Variants in NSUN7 observed in about 807,000 individuals in gnomAD.
NSUN7 encodes the protein NOP2/Sun RNA methyltransferase family member 7.
In NSUN7, 39 loss-of-function variants were observed where a neutral mutation model predicts 58.5. That is an observed-to-expected ratio of 0.67 (90% CI 0.52 to 0.87). The LOEUF is 0.87. NSUN7 is among the 40% of genes least tolerant of loss of function. The pLI, the probability that NSUN7 is intolerant of heterozygous loss-of-function variation, is 0.00. For synonymous variants in NSUN7, 278 were observed against 303.7 expected, an observed-to-expected ratio of 0.92 and a Z score of 0.88; for missense variants, 765 against 844.1, an observed-to-expected ratio of 0.91 and a Z score of 1.16.
rs1487916009 is a variant in NSUN7 at position 40,808,310 on chromosome 4, G to A, written c.1528G>A (p.Asp510Asn). The A allele has an allele frequency of 1.2e-6, 2 of 1,605,972 alleles. No individual in the cohort carries two copies. Among genetic ancestry groups the A allele is most frequent in the Non-Finnish European group, 1.7e-6 (2 of 1,175,288 alleles). ...GTAAATGCTTCTTTAATTGCAGCGGGACCCTTCTGAGACAGTGTCTGTGAA... is the reference window on the plus strand; with the variant it reads ...GTAAATGCTTCTTTAATTGCAGCGGAACCCTTCTGAGACAGTGTCTGTGAA... ...CFLSILTRER[D>N]PSETVSVNDV... The change falls in exon 12 of 12, where the codon GAC (aspartate) becomes AAC (asparagine). Residue 510 changes from aspartate to asparagine, a missense_variant. By Grantham distance (23) the Asp-to-Asn change is conservative. Transcript: ENST00000381782.
intron 7 of NSUN7, among the ~76,000 whole-genome samples, chr4:40,785,217 G>A (rs1293429945): frequency 6.7e-6 from 1 of 149,320 alleles, no homozygotes; most frequent in Non-Finnish European, 1.5e-5. Flanking sequence ...TTTTTTTTTG[G>A]TAGAGACAAG....
chr4:40,759,463 C>G (rs1741334326), intron 2 of NSUN7, among the ~76,000 whole-genome samples: 2 of 152,220 alleles, frequency 1.3e-5, no homozygotes, highest in Admixed American at 1.3e-4. Context: ...ATCATAACCT[C>G]TGCCTGGAAT....
chr4:40,779,659 C>T (rs1742432082), intron 7 of NSUN7, among the ~76,000 whole-genome samples: 2 of 151,998 alleles, frequency 1.3e-5, no homozygotes, highest in South Asian at 4.1e-4. Context: ...AAGAAAAATA[C>T]AAAAGTTAAG....
At chr4:40,765,187 T>A (rs1741658282) in intron 4 of NSUN7, among the ~76,000 whole-genome samples, 1 of 97,786 alleles carries the variant, frequency 1.0e-5, no homozygotes, top group Admixed American at 1.3e-4. Context: ...ATGCCTAGGT[T>A]TTCTTCTAGG....
intron 2 of NSUN7, among the ~76,000 whole-genome samples, chr4:40,753,011 G>T (rs909196707): frequency 6.6e-6 from 1 of 151,752 alleles, no homozygotes; most frequent in East Asian, 1.9e-4. Flanking sequence ...TTTTTTTCTC[G>T]CAACAGTGAA....
intron 7 of NSUN7, among the ~76,000 whole-genome samples, chr4:40,785,643 G>C (rs1239554061): frequency 6.6e-6 from 1 of 150,864 alleles, no homozygotes; most frequent in Non-Finnish European, 1.5e-5. Context: ...TTACAGGCGT[G>C]AGCCACCATG....
At chr4:40,780,078 C>T (rs370206359) in intron 7 of NSUN7, among the ~76,000 whole-genome samples, 2 of 152,044 alleles carry the variant, frequency 1.3e-5, no homozygotes, top group South Asian at 2.1e-4. Flanking sequence ...GCCAGGAGTT[C>T]GAGACCAGCC....
intron 10 of NSUN7, among the ~76,000 whole-genome samples, chr4:40,804,046 T>G (rs917454935): frequency 6.6e-6 from 1 of 152,204 alleles, no homozygotes; most frequent in Non-Finnish European, 1.5e-5. Context: ...CCACTAATCA[T>G]AGATGCATGG....
chr4:40,786,211 A>G, intron 7 of NSUN7: 2 of 1,614,004 alleles, frequency 1.2e-6, no homozygotes, highest in Non-Finnish European at 8.5e-7. Flanking sequence ...TGCTGGAAAG[A>G]CAACTGTCTT....
Position 40,801,723 on chromosome 4 carries a change from C to T in NSUN7, c.1400+2819C>T, listed in dbSNP as rs181742788. On this transcript the variant is annotated intron_variant, in intron 10 of 11. Coordinates refer to ENST00000381782, the MANE Select transcript of NSUN7 (RefSeq NM_024677.6). ...GACCAGCCTGGGCAATGTGGTGAAA[C>T]CTCATCTCTACAAAAAAATACAAAA... Among the ~76,000 whole-genome samples, 1,057 of 151,648 alleles carry T rather than the reference C, an allele frequency of 7.0e-3. 15 individuals are homozygous for T. The highest frequency in any genetic ancestry group is 0.022 in the African/African-American group (893 of 41,366).
rs150309909 is a variant in NSUN7, at chr4:40,805,001, A to G, written c.1401-2060A>G. On this transcript the variant is annotated intron_variant, in intron 10 of 11. Coordinates refer to ENST00000381782, the MANE Select transcript of NSUN7 (RefSeq NM_024677.6). ...GGTGTACTTTTGGGACCCTCCTCTC[A>G]ACATAGCCTTCTGGTGGGTTTTCCA... Among the ~76,000 whole-genome samples the G allele has an allele frequency of 2.2e-3, 336 of 152,122 alleles. 1 individual carries two copies. The highest frequency in any genetic ancestry group is 0.016 in the East Asian group (85 of 5,154).
intron 10 of NSUN7, 113 bp downstream of exon 10, chr4:40,799,017 A>T: frequency 1.7e-5 from 5 of 301,446 alleles, no homozygotes; most frequent in Non-Finnish European, 2.4e-5. Flanking sequence ...ATACTTTAGT[A>T]TGATAAAATT....
intron 2 of NSUN7, among the ~76,000 whole-genome samples, chr4:40,753,280 CTT>C (rs771038149): frequency 1.7e-4 from 23 of 138,904 alleles, no homozygotes; most frequent in African/African-American, 1.6e-4. Context: ...TTTTATCTTT[CTT>C]TTTTTTTTTT....
At chr4:40,795,334 G>C (rs903728716) in intron 9 of NSUN7, among the ~76,000 whole-genome samples, 1 of 152,086 alleles carries the variant, frequency 6.6e-6, no homozygotes, top group African/African-American at 2.4e-5. Context: ...TAAGTAAATA[G>C]AAAGCACAGA....
chr4:40,755,531 A>G (rs183849035), intron 2 of NSUN7, among the ~76,000 whole-genome samples: 10 of 152,310 alleles, frequency 6.6e-5, no homozygotes, highest in Non-Finnish European at 1.5e-5. Context: ...CTCTAGGTTT[A>G]TATTTTTGTT....
intron 10 of NSUN7, among the ~76,000 whole-genome samples, chr4:40,801,065 G>A (rs1743557927): frequency 6.7e-6 from 1 of 148,554 alleles, no homozygotes; most frequent in African/African-American, 2.5e-5. Flanking sequence ...GGAAAGAAGG[G>A]AGGGAGGGAG....
At chr4:40,761,856 A>C (rs1486939258) in intron 4 of NSUN7, among the ~76,000 whole-genome samples, 4 of 152,200 alleles carry the variant, frequency 2.6e-5, no homozygotes, top group African/African-American at 9.6e-5. Context: ...ATGCATGTAA[A>C]ATGCTCAGTT....
chr4:40,762,819 AG>A (rs1418766793), intron 4 of NSUN7: 2 of 152,074 alleles, frequency 1.3e-5, no homozygotes, highest in Non-Finnish European at 2.9e-5. Context: ...GCACATGGTG[AG>A]GGATCTAGGT....
rs1380780862 is a variant in NSUN7, at chr4:40,808,705, CAGA to C, written c.1925_1927del (p.Arg642del). 6.4e-7 allele frequency: 1 copy of C among 1,551,386 alleles called. No homozygotes were observed. Among genetic ancestry groups the C allele is most frequent in the Admixed American group, 2.0e-5 (1 of 50,890 alleles). On this transcript the variant is annotated inframe_deletion, in exon 12 of 12. Transcript: ENST00000381782. Reference sequence around the variant, plus strand: ...ACTTCTTAAGACCTCGGCCAGAAGACAGAATGGTTGCTCTGAAACCCATCAAGA... The same window carrying C: ...ACTTCTTAAGACCTCGGCCAGAAGACATGGTTGCTCTGAAACCCATCAAGA...
Sources: gnomAD v4.1 joint callset for allele counts (sites outside exome capture counted in the v4.1 genomes callset) on GRCh38, gnomAD v4.1.1 for gene constraint, MANE v1.5 for transcripts, NCBI Gene and HGNC (gene_info 2026-07-23, HGNC 2026-07-21) for gene names.